The following CTNNA2 variants were observed in gnomAD, a reference collection of about 807,000 sequenced individuals.
CTNNA2 encodes catenin alpha 2, also known as catenin alpha-2.
In CTNNA2, 42 loss-of-function variants were observed where a neutral mutation model predicts 101.0. The ratio of observed to expected loss-of-function variants is 0.42; its 90% CI spans 0.32 to 0.54. The LOEUF (loss-of-function observed/expected upper bound fraction) is 0.54, where lower values mean the gene tolerates loss of function less well. CTNNA2 is among the 20% of genes least tolerant of loss of function. The pLI is 0.14. For synonymous variants in CTNNA2, 450 were observed against 456.4 expected, an observed-to-expected ratio of 0.99 and a Z score of 0.18; for missense variants, 871 against 1,223.1, an observed-to-expected ratio of 0.71 and a Z score of 4.29.
At chr2:80,019,383 G>T (rs574454365) in intron 7 of CTNNA2, among the ~76,000 whole-genome samples, 24 of 152,290 alleles carry the variant, frequency 1.6e-4, no homozygotes, top group Admixed American at 6.5e-4. Flanking sequence ...AGGAGAAATT[G>T]TATCTACTTC....
intron 4 of CTNNA2, among the ~76,000 whole-genome samples, chr2:79,492,075 T>G (rs1274101919): frequency 2.0e-5 from 3 of 152,180 alleles, no homozygotes; most frequent in Non-Finnish European, 4.4e-5. Context: ...ATCAAAATCA[T>G]GTAGTAATAT....
intron 7 of CTNNA2, among the ~76,000 whole-genome samples, chr2:80,177,103 A>C (rs1307509317): frequency 6.6e-6 from 1 of 152,154 alleles, no homozygotes; most frequent in African/African-American, 2.4e-5. Flanking sequence ...TTACCATTCT[A>C]TCAGTCCAGC....
At chr2:79,599,041 C>T (rs1459484825) in intron 1 of CTNNA2, among the ~76,000 whole-genome samples, 4 of 151,984 alleles carry the variant, frequency 2.6e-5, no homozygotes, top group African/African-American at 9.7e-5. Context: ...TTTCCAACAC[C>T]ACTTTTTGAA....
chr2:80,442,982 G>A (rs1682723416), intron 9 of CTNNA2, among the ~76,000 whole-genome samples: 1 of 152,172 alleles, frequency 6.6e-6, no homozygotes, highest in Non-Finnish European at 1.5e-5. Context: ...AGAGGGGCCT[G>A]CAATAAGGAA....
intron 7 of CTNNA2, among the ~76,000 whole-genome samples, chr2:80,049,352 A>G (rs961322305): frequency 6.6e-6 from 1 of 152,198 alleles, no homozygotes; most frequent in Admixed American, 6.5e-5. Context: ...GCAGAACAAC[A>G]GTCCCCATAC....
intron 7 of CTNNA2, among the ~76,000 whole-genome samples, chr2:79,961,391 C>A (rs1458302688): frequency 6.6e-6 from 1 of 152,014 alleles, no homozygotes; most frequent in East Asian, 1.9e-4. Flanking sequence ...CCCTTATTAC[C>A]AGCCTCATCA....
intron 4 of CTNNA2, among the ~76,000 whole-genome samples, chr2:79,466,635 G>T (rs1178007801): frequency 6.6e-6 from 1 of 152,222 alleles, no homozygotes; most frequent in South Asian, 2.1e-4. Context: ...CCCAGTAGGG[G>T]CAGACTGACA....
At chr2:79,482,278 T>C (rs1052630005) in intron 4 of CTNNA2, among the ~76,000 whole-genome samples, 1 of 152,180 alleles carries the variant, frequency 6.6e-6, no homozygotes, top group Non-Finnish European at 1.5e-5. Flanking sequence ...TTGGAGATTA[T>C]AGGAGAAATA....
chr2:80,385,311 C>G (rs79067553), intron 7 of CTNNA2, among the ~76,000 whole-genome samples: 2,263 of 149,706 alleles, frequency 0.015, 31 homozygotes, highest in Non-Finnish European at 0.023. Flanking sequence ...GGAGATCTCC[C>G]GAATGGGATA....
chr2:80,591,573 G>A (rs1463274288), intron 15 of CTNNA2, among the ~76,000 whole-genome samples: 2 of 145,654 alleles, frequency 1.4e-5, no homozygotes, highest in Non-Finnish European at 3.0e-5. Flanking sequence ...CCTTCCACTT[G>A]CATATTCCAC....
chr2:80,418,408 A>C (rs11890022), intron 8 of CTNNA2, among the ~76,000 whole-genome samples: 2,739 of 152,314 alleles, frequency 0.018, 81 homozygotes, highest in African/African-American at 0.061. Flanking sequence ...CACTTTGTCA[A>C]ATGAGTATGT....
intron 2 of CTNNA2, among the ~76,000 whole-genome samples, chr2:79,699,395 T>C (rs1684844393): frequency 6.6e-6 from 1 of 152,062 alleles, no homozygotes. Flanking sequence ...ACATAGATGA[T>C]AGATAAGTGG....
chr2:79,324,735 C>G (rs1298191577), intron 3 of CTNNA2, among the ~76,000 whole-genome samples: 1 of 110,948 alleles, frequency 9.0e-6, no homozygotes, highest in East Asian at 2.5e-4. Flanking sequence ...CTACACACTA[C>G]ACACACACAC....
At chr2:80,625,934 A>T (rs1573496077) in intron 18 of CTNNA2, among the ~76,000 whole-genome samples, 1 of 152,180 alleles carries the variant, frequency 6.6e-6, no homozygotes, top group East Asian at 1.9e-4. Flanking sequence ...AGATATATTA[A>T]ACCCTTTTTA....
intron 7 of CTNNA2, among the ~76,000 whole-genome samples, chr2:80,111,826 C>T (rs1219248306): frequency 1.3e-5 from 2 of 152,114 alleles, no homozygotes; most frequent in East Asian, 3.9e-4. Flanking sequence ...CTGTGTTTAG[C>T]CTAAAAATAT....
At chr2:80,172,125 G>A (rs1705099898) in intron 7 of CTNNA2, among the ~76,000 whole-genome samples, 1 of 152,094 alleles carries the variant, frequency 6.6e-6, no homozygotes, top group African/African-American at 2.4e-5. Context: ...GCTACTCGGG[G>A]ACCCCTGCAG....
intron 1 of CTNNA2, among the ~76,000 whole-genome samples, chr2:79,534,770 G>T (rs998282616): frequency 6.6e-6 from 1 of 151,906 alleles, no homozygotes; most frequent in African/African-American, 2.4e-5. Context: ...AACTTCAGCT[G>T]TGTTTTATAT....
chr2:79,829,781 G>A (rs943424420), intron 3 of CTNNA2, among the ~76,000 whole-genome samples: 1 of 150,976 alleles, frequency 6.6e-6, no homozygotes, highest in Non-Finnish European at 1.5e-5. Context: ...GTGCAGTGGC[G>A]CAATCTCGGC....
At chr2:79,994,016 G>A (rs968088044) in intron 7 of CTNNA2, among the ~76,000 whole-genome samples, 8 of 152,036 alleles carry the variant, frequency 5.3e-5, no homozygotes, top group South Asian at 2.1e-4. Flanking sequence ...CGATACTCCC[G>A]CCTTATCCTC....
Sources: gnomAD v4.1 joint callset for allele counts (sites outside exome capture counted in the v4.1 genomes callset) on GRCh38, gnomAD v4.1.1 for gene constraint, MANE v1.5 for transcripts, NCBI Gene and HGNC (gene_info 2026-07-23, HGNC 2026-07-21) for gene names.